The following ZNF559 variants were observed in gnomAD, a reference collection of about 807,000 sequenced individuals.
ZNF559 encodes putative protein product of Nbla00121.
Under a neutral mutation model 14.2 loss-of-function variants are expected in ZNF559, and 17 were observed. That is an observed-to-expected ratio of 1.20 (90% CI 0.82 to 1.80). The LOEUF is 1.80. Among genes scored for constraint, ZNF559 ranks in the 40% most tolerant of loss-of-function variants. The pLI is 0.00. For synonymous variants in ZNF559, 244 were observed against 212.4 expected (o/e 1.15, Z -1.29); for missense variants, 740 against 629.7 (o/e 1.18, Z -1.88).
chr19:9,342,444 G>A lies in ZNF559; in HGVS notation c.993G>A (p.Gly331=). 1 of 1,614,176 alleles carries A rather than the reference G, an allele frequency of 6.2e-7. No individual in the cohort carries two copies. Among genetic ancestry groups the A allele is most frequent in the African/African-American group, 1.3e-5 (1 of 75,052 alleles). ...AACCGTATGAGTGCAACAAATGTGGGAAAGCCTTCACTGATTCATCAGGTC... is the reference window on the plus strand; with the variant it reads ...AACCGTATGAGTGCAACAAATGTGGAAAAGCCTTCACTGATTCATCAGGTC... ...GEKPYECNKC[G]KAFTDSSGLI... is the part of the protein sequence containing the mutation. The change falls in exon 7 of 7, where the codon GGG becomes GGA. Residue 331 remains glycine (G), a synonymous_variant. Coordinates refer to ENST00000603380, the MANE Select transcript of ZNF559 (RefSeq NM_032497.3).
In ZNF559 at chr19:9,343,426, T is replaced by G. The variant is rs374393305; in HGVS notation, c.*358T>G. The G allele has an allele frequency of 9.3e-7, 1 of 1,078,408 alleles. No individual in the cohort carries two copies. The highest frequency in any genetic ancestry group is 1.6e-5 in the African/African-American group (1 of 60,934). The allele number at this position is 1,078,408 out of a possible 1,614,324, so 66.8% of individuals were successfully genotyped here. A position where few individuals can be genotyped will look rare whatever the true frequency, so the allele number is the denominator to read the frequency against. On this transcript the variant is annotated 3_prime_UTR_variant, in exon 7 of 7. Coordinates refer to ENST00000603380, the MANE Select transcript of ZNF559 (RefSeq NM_032497.3). ...AAGCTTTCATTATTTTCCTCGGGCC[T>G]TACTGAGCTTGTGAGCACATTGGAT...
intron 4 of ZNF559, among the ~76,000 whole-genome samples, chr19:9,338,960 A>T (rs892216190): frequency 5.3e-5 from 8 of 152,178 alleles, no homozygotes; most frequent in Non-Finnish European, 1.2e-4. Context: ...AAGAAGTCAC[A>T]ATCTAGTTGT....
intron 1 of ZNF559, 25 bp downstream of exon 1, chr19:9,324,253 T>C (rs1005945695): frequency 1.3e-6 from 2 of 1,535,824 alleles, no homozygotes; most frequent in African/African-American, 2.7e-5. Flanking sequence ...CTGGGCGGCG[T>C]TCGGTGGTGT....
intron 6 of ZNF559, 21 bp downstream of exon 6, chr19:9,341,205 T>C: frequency 6.2e-7 from 1 of 1,602,966 alleles, no homozygotes; most frequent in South Asian, 1.1e-5. Context: ...GAAGGTATAA[T>C]TTATTGTCTT....
At chr19:9,329,816 A>G (rs1405984890) in intron 2 of ZNF559, among the ~76,000 whole-genome samples, 1 of 152,138 alleles carries the variant, frequency 6.6e-6, no homozygotes, top group Non-Finnish European at 1.5e-5. Flanking sequence ...GGCATGTGCC[A>G]CCATGCCTGG....
chr19:9,331,305 C>T (rs1007227450), intron 2 of ZNF559, among the ~76,000 whole-genome samples: 2 of 152,148 alleles, frequency 1.3e-5, no homozygotes, highest in Non-Finnish European at 2.9e-5. Flanking sequence ...TGCTATGTTG[C>T]TCAGGTGGGA....
chr19:9,332,353 G>T lies in ZNF559; in HGVS notation c.-119-5443G>T, dbSNP rs62104838. 5.8e-4 allele frequency among the ~76,000 whole-genome samples: 57 copies of T among 97,532 alleles called. No individual in the cohort carries two copies. In the East Asian group the frequency reaches 0.015, roughly 26 times the overall value. The allele number at this position is 97,532 out of a possible 152,430, so 64.0% of individuals were successfully genotyped here. A position where few individuals can be genotyped will look rare whatever the true frequency, so the allele number is the denominator to read the frequency against. On this transcript the variant is annotated intron_variant, in intron 2 of 6. Coordinates refer to ENST00000603380, the MANE Select transcript of ZNF559 (RefSeq NM_032497.3). ...TAGAGGTATACATATGTATGTGTGT[G>T]TGTATATATATATATATCACTGTAT...
intron 2 of ZNF559, among the ~76,000 whole-genome samples, chr19:9,332,703 AT>A (rs2067004545): frequency 6.6e-6 from 1 of 152,176 alleles, no homozygotes; most frequent in East Asian, 1.9e-4. Context: ...CTGCTGTCAA[AT>A]TTTGGTAAGA....
chr19:9,336,969 A>G (rs979059325), intron 2 of ZNF559, among the ~76,000 whole-genome samples: 20 of 152,228 alleles, frequency 1.3e-4, no homozygotes, highest in African/African-American at 4.8e-4. Flanking sequence ...ATAAAAGGGT[A>G]CAGATTAGAA....
At chr19:9,334,197 T>C (rs1330092473) in intron 2 of ZNF559, among the ~76,000 whole-genome samples, 2 of 152,238 alleles carry the variant, frequency 1.3e-5, no homozygotes, top group Non-Finnish European at 2.9e-5. Flanking sequence ...GAATAAACCA[T>C]GCTATACTGG....
At position 9,343,803 on chromosome 19, in the gene ZNF559, A is replaced by G. The variant is rs2067673604; in HGVS notation, c.*735A>G. ...GCTTTTGGTAAATATACATGTTTTA[A>G]AGAGGTTATATATCATTAATAAAAA... On this transcript the variant is annotated 3_prime_UTR_variant, in exon 7 of 7. Transcript: ENST00000603380. The G allele has an allele frequency of 1.4e-5, 14 of 985,222 alleles. No homozygotes were observed. The South Asian group carries it at 5.2e-4, about 36-fold the overall frequency. The allele number at this position is 985,222 out of a possible 1,614,324, so 61.0% of individuals were successfully genotyped here. A position where few individuals can be genotyped will look rare whatever the true frequency, so the allele number is the denominator to read the frequency against.
At position 9,341,195 on chromosome 19, in the gene ZNF559, G is replaced by C; in HGVS notation, c.243+11G>C. The C allele has an allele frequency of 6.2e-7, 1 of 1,612,504 alleles. No individual in the cohort carries two copies. Among genetic ancestry groups the C allele is most frequent in the South Asian group, 1.1e-5 (1 of 91,030 alleles). On this transcript the variant is annotated intron_variant, in intron 6 of 6. Transcript: ENST00000603380. The stretch of plus-strand genomic sequence containing the variant: ...AGTGTGGTGGAAATGGTAAGATTCA[G>C]AAGGTATAATTTATTGTCTTCCATG...
chr19:9,341,335 A>T (rs781228083), intron 6 of ZNF559, 151 bp downstream of exon 6: 11 of 805,902 alleles, frequency 1.4e-5, no homozygotes, highest in Non-Finnish European at 2.3e-5. Context: ...ACTATGGATC[A>T]TGAGTTTGAC....
intron 5 of ZNF559, among the ~76,000 whole-genome samples, chr19:9,340,705 T>A (rs149227728): frequency 0.02 from 3,056 of 150,274 alleles, 103 homozygotes; most frequent in African/African-American, 0.071. Context: ...TAGCTGGGAC[T>A]ACAGGTGCAT....
chr19:9,323,967 G>T (rs2066426117), upstream of ZNF559: 2 of 586,936 alleles, frequency 3.4e-6, no homozygotes, highest in African/African-American at 1.9e-5. Flanking sequence ...TGGGCGTTTT[G>T]TCTAATTCTT....
intron 6 of ZNF559, 95 bp from the exon 7 acceptor site, chr19:9,341,600 T>C: frequency 2.5e-6 from 4 of 1,592,672 alleles, no homozygotes; most frequent in East Asian, 2.2e-5. Context: ...TACTAACTTA[T>C]TTTCCATGTG....
chr19:9,324,850 A>G, intron 2 of ZNF559, 70 bp downstream of exon 2: 2 of 1,346,294 alleles, frequency 1.5e-6, no homozygotes, highest in Non-Finnish European at 2.0e-6. Context: ...TCGAGGTGGA[A>G]AGAAACCTTT....
chr19:9,328,598 C>T (rs1342326883), intron 2 of ZNF559, among the ~76,000 whole-genome samples: 1 of 151,950 alleles, frequency 6.6e-6, no homozygotes, highest in African/African-American at 2.4e-5. Context: ...GTGGTCTCAA[C>T]TCCTGACCTC....
At chr19:9,337,155 C>T (rs868472550) in intron 2 of ZNF559, among the ~76,000 whole-genome samples, 7 of 152,084 alleles carry the variant, frequency 4.6e-5, no homozygotes, top group African/African-American at 9.7e-5. Flanking sequence ...GGGTTAGTCC[C>T]GTAGGCATAC....
Sources: gnomAD v4.1 joint callset for allele counts (sites outside exome capture counted in the v4.1 genomes callset) on GRCh38, gnomAD v4.1.1 for gene constraint, MANE v1.5 for transcripts, NCBI Gene and HGNC (gene_info 2026-07-23, HGNC 2026-07-21) for gene names.